Variants in EVC2 observed in about 807,000 individuals in gnomAD.
EVC2 encodes limbin.
A neutral mutation model predicts 149.3 loss-of-function variants in EVC2; 148 were observed. That is an observed-to-expected ratio of 0.99 (90% CI 0.87 to 1.14). The LOEUF is 1.14. Ranked by LOEUF, EVC2 falls within the 50% of genes most tolerant of loss-of-function variation. The pLI, the probability that EVC2 is intolerant of heterozygous loss-of-function variation, is 0.00. For synonymous variants in EVC2, 776 were observed against 649.9 expected (o/e 1.19, Z -2.95); for missense variants, 1,854 against 1,627.3 (o/e 1.14, Z -2.40).
chr4:5,665,489 C>T (rs1229071760), intron 8 of EVC2, 26 bp downstream of exon 8: 2 of 1,613,758 alleles, frequency 1.2e-6, no homozygotes, highest in African/African-American at 2.7e-5. Context: ...TCACCACCTT[C>T]CAAACCACCC....
downstream of EVC2, among the ~76,000 whole-genome samples, chr4:5,560,274 G>A (rs1721913311): frequency 2.0e-5 from 3 of 152,036 alleles, no homozygotes; most frequent in South Asian, 4.1e-4. This position sits in a 1 kb window ranked among gnomAD's most constrained non-coding sequence, Gnocchi z 4.1. Flanking sequence ...ATGGCAAAAG[G>A]AATGAAAGAA....
At chr4:5,634,392 T>A (rs1377658342) in intron 10 of EVC2, among the ~76,000 whole-genome samples, 3 of 152,212 alleles carry the variant, frequency 2.0e-5, no homozygotes, top group African/African-American at 4.8e-5. Context: ...TGTCGGTTCA[T>A]CCATCAAAGC....
At chr4:5,627,168 G>C (rs1027591241) in intron 12 of EVC2, among the ~76,000 whole-genome samples, 1 of 152,144 alleles carries the variant, frequency 6.6e-6, no homozygotes, top group Admixed American at 6.5e-5. Flanking sequence ...CCTGGGCTGA[G>C]TCCCCAGCTT....
At chr4:5,582,512 T>C (rs940884052) in intron 17 of EVC2, among the ~76,000 whole-genome samples, 10 of 152,238 alleles carry the variant, frequency 6.6e-5, no homozygotes, top group African/African-American at 2.4e-4. Flanking sequence ...CTCCATTGCA[T>C]CACTGGAAGT....
intron 16 of EVC2, among the ~76,000 whole-genome samples, chr4:5,607,491 A>G (rs1714483775): frequency 6.6e-6 from 1 of 152,204 alleles, no homozygotes; most frequent in Admixed American, 6.5e-5. Flanking sequence ...CAGAAGGACC[A>G]GACATCTGTA....
chr4:5,625,906 G>A lies in EVC2; in HGVS notation c.1889C>T (p.Ala630Val). 2 of 1,613,798 alleles carry A rather than the reference G, an allele frequency of 1.2e-6. No individual in the cohort carries two copies. The highest frequency in any genetic ancestry group is 1.7e-6 in the Non-Finnish European group (2 of 1,179,958). The change falls in exon 13 of 22, where the codon GCA becomes GTA. Residue 630 changes from alanine to valine, a missense_variant and splice_region_variant. Physicochemically the swap from Ala to Val is moderately conservative, Grantham distance 64 (BLOSUM62 0). Coordinates refer to ENST00000344408, the MANE Select transcript of EVC2 (RefSeq NM_147127.5). This position sits in a 1 kb window ranked among gnomAD's most constrained non-coding sequence, Gnocchi z 4.0. ...CATTTGGTCTTCATCCAGGTACCCTGCTCTAGATGGAAAGGATGTAAAGTT... is the reference window on the plus strand; with the variant it reads ...CATTTGGTCTTCATCCAGGTACCCTACTCTAGATGGAAAGGATGTAAAGTT... ...LTHLIQKHER[A>V]GYLDEDQMEM...
At chr4:5,635,879 G>T (rs1716862170) in intron 10 of EVC2, among the ~76,000 whole-genome samples, 1 of 152,168 alleles carries the variant, frequency 6.6e-6, no homozygotes. Flanking sequence ...CTCTGAACTG[G>T]ATGCAGGAAG....
the EVC2 span, among the ~76,000 whole-genome samples, chr4:5,530,163 C>T: frequency 1.1e-4 from 16 of 152,276 alleles, no homozygotes; most frequent in South Asian, 4.1e-4. Context: ...CTTGTCATTA[C>T]ATGCAATTCA....
chr4:5,705,383 A>G (rs78456421), intron 1 of EVC2, among the ~76,000 whole-genome samples: 1 of 152,006 alleles, frequency 6.6e-6, no homozygotes, highest in Non-Finnish European at 1.5e-5. Context: ...TCCTTTACAC[A>G]TTTTCCAATT....
rs112328229 is a variant in EVC2 at position 5,582,652 on chromosome 4, G to T, written c.3057+1971C>A. Among the ~76,000 whole-genome samples the T allele has an allele frequency of 2.4e-3, 360 of 152,324 alleles. 2 individuals are homozygous for T. Among genetic ancestry groups the T allele is most frequent in the African/African-American group, 8.1e-3 (338 of 41,574 alleles). ...TAAGACTCTAGGGGACTGTTGGGAA[G>T]GCATGATTATATTTTGAAATGTGAG... On this transcript the variant is annotated intron_variant, in intron 17 of 21. Coordinates refer to ENST00000344408, the MANE Select transcript of EVC2 (RefSeq NM_147127.5).
At position 5,681,806 on chromosome 4, in the gene EVC2, A is replaced by G. The variant is rs144398224; in HGVS notation, c.817-493T>C. Among the ~76,000 whole-genome samples, 36 of 152,316 alleles carry G rather than the reference A, an allele frequency of 2.4e-4. No homozygotes were observed. The East Asian group carries it at 6.8e-3, about 29-fold the overall frequency. On this transcript the variant is annotated intron_variant, in intron 6 of 21. Coordinates refer to ENST00000344408, the MANE Select transcript of EVC2 (RefSeq NM_147127.5). ...TGCTGAGAAGATACAGGAAACAGAAAAATAAAGTGTGTCATGGTATCCACC... is the reference window on the plus strand; with the variant it reads ...TGCTGAGAAGATACAGGAAACAGAAGAATAAAGTGTGTCATGGTATCCACC...
intron 7 of EVC2, among the ~76,000 whole-genome samples, chr4:5,668,611 T>C (rs946206880): frequency 6.6e-6 from 1 of 152,142 alleles, no homozygotes; most frequent in African/African-American, 2.4e-5. Context: ...AAAATATTGA[T>C]GGAAAGGAAA....
chr4:5,631,573 G>C (rs561651611), intron 11 of EVC2, among the ~76,000 whole-genome samples: 1 of 150,538 alleles, frequency 6.6e-6, no homozygotes, highest in Non-Finnish European at 1.5e-5. Flanking sequence ...AGACTGGGGG[G>C]GGGAACTGAA....
intron 10 of EVC2, among the ~76,000 whole-genome samples, chr4:5,632,629 T>C (rs1229420673): frequency 6.6e-6 from 1 of 152,068 alleles, no homozygotes; most frequent in Non-Finnish European, 1.5e-5. Context: ...AAGAGAAAAA[T>C]ACCAGCAATC....
intron 13 of EVC2, among the ~76,000 whole-genome samples, chr4:5,624,003 T>C (rs979916261): frequency 1.3e-5 from 2 of 152,134 alleles, no homozygotes; most frequent in African/African-American, 4.8e-5. Context: ...AGTTGTAATA[T>C]TATAAAGGGG....
chr4:5,653,261 A>T (rs532742539), intron 9 of EVC2, among the ~76,000 whole-genome samples: 25 of 152,304 alleles, frequency 1.6e-4, no homozygotes, highest in African/African-American at 5.3e-4. Flanking sequence ...AGGAGTTATG[A>T]CTTCAACATA....
At position 5,594,547 on chromosome 4, in the gene EVC2, G is replaced by A. The variant is rs111597494; in HGVS notation, c.2830-9697C>T. On this transcript the variant is annotated intron_variant, in intron 16 of 21. Coordinates refer to ENST00000344408, the MANE Select transcript of EVC2 (RefSeq NM_147127.5). ...AGAAGGAAAACTAACAAACAGAAAG[G>A]ACACCCACACCAAAAACCCATCTGT... 1.1e-3 allele frequency among the ~76,000 whole-genome samples: 163 copies of A among 152,160 alleles called. 1 individual carries two copies. Among genetic ancestry groups the A allele is most frequent in the African/African-American group, 3.9e-3 (160 of 41,504 alleles).
rs533589504 is a variant in EVC2, at chr4:5,592,265, G to C, written c.2830-7415C>G. On this transcript the variant is annotated intron_variant, in intron 16 of 21. Transcript: ENST00000344408. ...GATAAGAGGGGCTTCCTACAGGAAT[G>C]CTGGCTCCCAGAGAGAAGGGGGCTG... 1.6e-4 allele frequency among the ~76,000 whole-genome samples: 24 copies of C among 152,342 alleles called. 2 individuals carry two copies. The South Asian group carries it at 3.7e-3, about 24-fold the overall frequency.
rs186115169 is a variant in EVC2, at chr4:5,679,322, G to A, written c.870+1938C>T. On this transcript the variant is annotated intron_variant, in intron 7 of 21. Transcript: ENST00000344408. This position sits in a 1 kb window ranked among gnomAD's most constrained non-coding sequence, Gnocchi z 5.1. ...ATGATCTCGGCTCACTGCAACCTCC[G>A]CCTCCCAGGTTCAAGCAATTCGCAT... Among the ~76,000 whole-genome samples the A allele has an allele frequency of 3.6e-3, 542 of 152,080 alleles. 2 individuals carry two copies. The highest frequency in any genetic ancestry group is 8.2e-3 in the African/African-American group (342 of 41,508).
Sources: allele counts gnomAD v4.1 joint callset (sites outside exome capture counted in the v4.1 genomes callset), GRCh38; gene constraint gnomAD v4.1.1; non-coding constraint Gnocchi (gnomAD v3.1); transcripts MANE v1.5; gene names NCBI Gene and HGNC (gene_info 2026-07-23, HGNC 2026-07-21).